ADAM22: variants seen among roughly 807,000 people sequenced by gnomAD.
ADAM22 encodes the protein disintegrin and metalloproteinase domain-containing protein 22.
ADAM22 carries 65 observed loss-of-function variants against 144.6 expected under a neutral mutation model. The ratio of observed to expected loss-of-function variants is 0.45; its 90% CI spans 0.37 to 0.55. The LOEUF (loss-of-function observed/expected upper bound fraction) is 0.55, where lower values mean the gene tolerates loss of function less well. Among genes scored for constraint, ADAM22 ranks in the 20% least tolerant of loss-of-function variants. The pLI is 0.00. For synonymous variants in ADAM22, 391 were observed against 412.6 expected (o/e 0.95, Z 0.63); for missense variants, 974 against 1,184.9 (o/e 0.82, Z 2.61).
intron 3 of ADAM22, among the ~76,000 whole-genome samples, chr7:88,062,193 A>G (rs1347947975): frequency 7.4e-6 from 1 of 135,840 alleles, no homozygotes; most frequent in Non-Finnish European, 1.7e-5. Flanking sequence ...TCTGGCTAGG[A>G]AAGTCCTAGA....
chr7:88,054,650 G>T lies in ADAM22; in HGVS notation c.324-20976G>T, dbSNP rs562060903. Among the ~76,000 whole-genome samples the T allele has an allele frequency of 2.1e-5, 3 of 139,672 alleles. No homozygotes were observed. In the South Asian group the frequency reaches 7.1e-4, roughly 33 times the overall value. 91.6% of individuals were successfully genotyped at this position (139,672 alleles called of 152,430 possible). A position where few individuals can be genotyped will look rare whatever the true frequency, so the allele number is the denominator to read the frequency against. On this transcript the variant is annotated intron_variant, in intron 3 of 31. Transcript: ENST00000413139. ...TGTGTGTGATTCCTCTGCACACATG[G>T]TCGGTTTCCCCTGCACGCTTCTATT... is the stretch of plus-strand genomic sequence containing the variant.
intron 4 of ADAM22, among the ~76,000 whole-genome samples, chr7:88,105,664 G>A (rs965187606): frequency 1.3e-5 from 2 of 152,156 alleles, no homozygotes; most frequent in African/African-American, 2.4e-5. Flanking sequence ...TCACAGGTTC[G>A]AGGTTCAACA....
At chr7:88,112,670 GCTGGT>G (rs1826356357) in intron 5 of ADAM22, among the ~76,000 whole-genome samples, 1 of 152,100 alleles carries the variant, frequency 6.6e-6, no homozygotes, top group African/African-American at 2.4e-5. Context: ...TTCTCAGATG[GCTGGT>G]AGCCACCCCC....
intron 2 of ADAM22, among the ~76,000 whole-genome samples, chr7:87,944,927 A>ATG (rs1843296784): frequency 6.9e-6 from 1 of 144,254 alleles, no homozygotes; most frequent in Non-Finnish European, 1.5e-5. Context: ...CCTATTCTAT[A>ATG]TGTGTGTGTT....
intron 3 of ADAM22, among the ~76,000 whole-genome samples, chr7:88,055,039 C>T (rs1011891375): frequency 4.6e-5 from 7 of 152,046 alleles, no homozygotes; most frequent in Non-Finnish European, 1.0e-4. Flanking sequence ...CCCAGTATTA[C>T]GGTCCTTAAT....
At chr7:88,111,363 C>T (rs866860613) in intron 5 of ADAM22, among the ~76,000 whole-genome samples, 9 of 116,978 alleles carry the variant, frequency 7.7e-5, no homozygotes, top group Admixed American at 3.3e-4. Flanking sequence ...TTACCAAGTG[C>T]GTACTGTTTT....
chr7:87,937,589 T>C (rs1405464325), intron 2 of ADAM22, among the ~76,000 whole-genome samples: 1 of 152,170 alleles, frequency 6.6e-6, no homozygotes, highest in Non-Finnish European at 1.5e-5. Context: ...TTTTGAAAAG[T>C]GGAGGAGGTC....
intron 4 of ADAM22, among the ~76,000 whole-genome samples, chr7:88,094,029 T>G (rs1292745036): frequency 2.0e-5 from 3 of 152,196 alleles, no homozygotes; most frequent in African/African-American, 4.8e-5. Context: ...TCAATGTGTG[T>G]TCTCAACCCT....
At chr7:88,030,997 T>A (rs1251146395) in intron 3 of ADAM22, among the ~76,000 whole-genome samples, 1 of 152,048 alleles carries the variant, frequency 6.6e-6, no homozygotes, top group Admixed American at 6.5e-5. Context: ...GCACCTGTAG[T>A]CCCAGCTACT....
Position 87,934,363 on chromosome 7 carries a change from G to C in ADAM22, c.-103G>C. On this transcript the variant is annotated 5_prime_UTR_variant, in exon 1 of 32. Transcript: ENST00000413139. ...GCAGCACCGGCCGGGGCTGGGTGGA[G>C]GTGGCCGCGGGGACCCCGGGGGCGC... The C allele has an allele frequency of 8.8e-7, 1 of 1,135,294 alleles. No homozygotes were observed. The highest frequency in any genetic ancestry group is 1.2e-6 in the Non-Finnish European group (1 of 807,898). 70.3% of individuals were successfully genotyped at this position (1,135,294 alleles called of 1,614,324 possible). A position where few individuals can be genotyped will look rare whatever the true frequency, so the allele number is the denominator to read the frequency against.
chr7:88,051,617 G>C (rs973961018), intron 3 of ADAM22, among the ~76,000 whole-genome samples: 1 of 152,002 alleles, frequency 6.6e-6, no homozygotes, highest in Non-Finnish European at 1.5e-5. Context: ...GAGTTAGTGG[G>C]TGCAGCACAC....
chr7:87,987,176 A>G (rs1788682958), intron 3 of ADAM22, among the ~76,000 whole-genome samples: 1 of 151,886 alleles, frequency 6.6e-6, no homozygotes, highest in Non-Finnish European at 1.5e-5. Context: ...TCAAATTACT[A>G]TTATTATTTT....
chr7:87,967,935 CT>C (rs1849549507), intron 2 of ADAM22, among the ~76,000 whole-genome samples: 1 of 151,370 alleles, frequency 6.6e-6, no homozygotes, highest in Non-Finnish European at 1.5e-5. Context: ...CTTTTTCTTC[CT>C]TTTGTCTTTC....
intron 26 of ADAM22, among the ~76,000 whole-genome samples, chr7:88,175,770 A>G (rs918933743): frequency 6.6e-6 from 1 of 152,184 alleles, no homozygotes; most frequent in Non-Finnish European, 1.5e-5. Context: ...CTGGAAAAAG[A>G]AGTTTGATTT....
intron 4 of ADAM22, among the ~76,000 whole-genome samples, chr7:88,095,214 A>C (rs954424655): frequency 6.6e-6 from 1 of 152,168 alleles, no homozygotes. Context: ...TTCCTGCTTT[A>C]TAAGACAATT....
intron 12 of ADAM22, among the ~76,000 whole-genome samples, chr7:88,133,505 T>C (rs973673774): frequency 6.6e-6 from 1 of 152,152 alleles, no homozygotes; most frequent in Non-Finnish European, 1.5e-5. Context: ...ATTCATGTTA[T>C]GCTTGGAATA....
intron 2 of ADAM22, among the ~76,000 whole-genome samples, chr7:87,961,215 C>G (rs959129080): frequency 4.6e-5 from 7 of 151,970 alleles, no homozygotes; most frequent in Non-Finnish European, 1.0e-4. Flanking sequence ...TTAGGAAGAG[C>G]ATTATATATA....
chr7:88,184,210 C>G (rs1272195126), intron 29 of ADAM22: 1 of 206,128 alleles, frequency 4.9e-6, no homozygotes, highest in African/African-American at 2.4e-5. Flanking sequence ...CCAGTCAAAA[C>G]TTTTGCATCT....
At chr7:87,977,897 G>GAA (rs771407010) in intron 2 of ADAM22, among the ~76,000 whole-genome samples, 3 of 152,094 alleles carry the variant, frequency 2.0e-5, no homozygotes, top group Non-Finnish European at 4.4e-5. Flanking sequence ...TGTGATAAGC[G>GAA]AAAAAGGATT....
Sources: gnomAD v4.1 joint callset for allele counts (sites outside exome capture counted in the v4.1 genomes callset) on GRCh38, gnomAD v4.1.1 for gene constraint, MANE v1.5 for transcripts, NCBI Gene and HGNC (gene_info 2026-07-23, HGNC 2026-07-21) for gene names.